MAPK10: variants seen among roughly 807,000 people sequenced by gnomAD.
The protein encoded by MAPK10 is mitogen-activated protein kinase 10.
A neutral mutation model predicts 59.3 loss-of-function variants in MAPK10; 25 were observed. The ratio of observed to expected loss-of-function variants is 0.42; its 90% CI spans 0.31 to 0.59. The LOEUF is 0.59. MAPK10 is among the 20% of genes least tolerant of loss of function. The pLI, the probability that MAPK10 is intolerant of heterozygous loss-of-function variation, is 0.15. For synonymous variants in MAPK10, 190 were observed against 200.5 expected (o/e 0.95, Z 0.44); for missense variants, 351 against 568.9 (o/e 0.62, Z 3.90).
At chr4:86,102,675 C>T (rs564378551) in intron 6 of MAPK10, among the ~76,000 whole-genome samples, 1 of 152,236 alleles carries the variant, frequency 6.6e-6, no homozygotes, top group African/African-American at 2.4e-5. Context: ...TGCATGCCAC[C>T]ACACCTGGAT....
chr4:86,434,551 C>T (rs745342742), intron 1 of MAPK10, among the ~76,000 whole-genome samples: 9 of 152,120 alleles, frequency 5.9e-5, no homozygotes, highest in African/African-American at 1.7e-4. Context: ...ACCTGCTCAA[C>T]GTAAGTAACC....
At chr4:86,126,811 C>A (rs888193438) in intron 4 of MAPK10, among the ~76,000 whole-genome samples, 2 of 151,902 alleles carry the variant, frequency 1.3e-5, no homozygotes, top group Non-Finnish European at 2.9e-5. Context: ...TGTTCAAATA[C>A]CCATTTGTTC....
chr4:86,410,392 T>G (rs925099650), intron 1 of MAPK10, among the ~76,000 whole-genome samples: 1 of 152,198 alleles, frequency 6.6e-6, no homozygotes, highest in African/African-American at 2.4e-5. Flanking sequence ...GCCAGACTTT[T>G]GTATCAGGAT....
intron 1 of MAPK10, among the ~76,000 whole-genome samples, chr4:86,408,338 G>A (rs1258345131): frequency 6.6e-6 from 1 of 152,034 alleles, no homozygotes; most frequent in Non-Finnish European, 1.5e-5. Context: ...CTTTGCTATT[G>A]TGAATAGTGC....
chr4:86,294,714 G>T (rs578051730), intron 2 of MAPK10, among the ~76,000 whole-genome samples: 21 of 152,250 alleles, frequency 1.4e-4, no homozygotes, highest in Admixed American at 2.6e-4. Flanking sequence ...GTGGTCTCAT[G>T]GCTTCAGCAA....
At chr4:86,414,814 C>T (rs1319307725) in intron 1 of MAPK10, among the ~76,000 whole-genome samples, 1 of 152,068 alleles carries the variant, frequency 6.6e-6, no homozygotes, top group African/African-American at 2.4e-5. Flanking sequence ...ATCATCCTAA[C>T]AACCATTCTA....
At chr4:86,425,164 T>C (rs989325074) in intron 1 of MAPK10, among the ~76,000 whole-genome samples, 3 of 152,134 alleles carry the variant, frequency 2.0e-5, no homozygotes, top group Admixed American at 2.0e-4. Context: ...AGAGAAGGCA[T>C]TGGAAGAATA....
intron 2 of MAPK10, chr4:86,268,681 A>C (rs1284331149): frequency 1.3e-5 from 2 of 152,012 alleles, no homozygotes; most frequent in African/African-American, 4.8e-5. Flanking sequence ...CTTTCCCCAG[A>C]TTTTCATATG....
At chr4:86,256,996 C>T (rs563680133) in intron 2 of MAPK10, among the ~76,000 whole-genome samples, 2 of 152,006 alleles carry the variant, frequency 1.3e-5, no homozygotes, top group South Asian at 2.1e-4. Flanking sequence ...ATGATCCGCC[C>T]GCCTCGGCCT....
At chr4:86,575,690 A>G (rs1443432886) in intron 1 of MAPK10, among the ~76,000 whole-genome samples, 1 of 151,594 alleles carries the variant, frequency 6.6e-6, no homozygotes, top group Non-Finnish European at 1.5e-5. Flanking sequence ...GTTGATATGC[A>G]GAGTTACATT....
intron 1 of MAPK10, among the ~76,000 whole-genome samples, chr4:86,450,682 G>C (rs1347676338): frequency 1.3e-5 from 2 of 152,098 alleles, no homozygotes; most frequent in African/African-American, 4.8e-5. Context: ...GGCAAACCCA[G>C]TTTTCTAGAA....
intron 1 of MAPK10, among the ~76,000 whole-genome samples, chr4:86,470,776 C>T (rs571188450): frequency 6.6e-6 from 1 of 152,060 alleles, no homozygotes; most frequent in Non-Finnish European, 1.5e-5. Context: ...CAAGACTTTC[C>T]TATATTTCTT....
At chr4:86,470,636 CT>C (rs957728592) in intron 1 of MAPK10, among the ~76,000 whole-genome samples, 1 of 151,548 alleles carries the variant, frequency 6.6e-6, no homozygotes, top group African/African-American at 2.4e-5. Flanking sequence ...TTTTTTCTTC[CT>C]TTTTGTTTTT....
At chr4:86,118,579 T>TACACACACAC (rs148000432) in intron 4 of MAPK10, among the ~76,000 whole-genome samples, 16 of 146,248 alleles carry the variant, frequency 1.1e-4, no homozygotes, top group African/African-American at 3.3e-4. Context: ...TAAATACACA[T>TACACACACAC]ACACACACAC....
At chr4:86,207,059 C>T (rs2084249965) in intron 2 of MAPK10, among the ~76,000 whole-genome samples, 3 of 151,412 alleles carry the variant, frequency 2.0e-5, no homozygotes, top group Admixed American at 1.3e-4. Flanking sequence ...AATTAGATCC[C>T]ATTTGTCAAT....
chr4:86,276,781 T>C (rs2094592263), intron 2 of MAPK10, among the ~76,000 whole-genome samples: 1 of 152,118 alleles, frequency 6.6e-6, no homozygotes, highest in Non-Finnish European at 1.5e-5. Flanking sequence ...TCTATCATTG[T>C]CTGGTTCTAT....
At chr4:86,246,240 G>A (rs912076719) in intron 2 of MAPK10, among the ~76,000 whole-genome samples, 1 of 152,168 alleles carries the variant, frequency 6.6e-6, no homozygotes, top group Non-Finnish European at 1.5e-5. Context: ...GACTATCCTG[G>A]CTAACAAGGT....
At chr4:86,338,089 T>C (rs1722623022) in intron 2 of MAPK10, among the ~76,000 whole-genome samples, 2 of 152,254 alleles carry the variant, frequency 1.3e-5, no homozygotes, top group African/African-American at 4.8e-5. Flanking sequence ...TTCACAGTAG[T>C]GTCCCCCCAC....
At chr4:86,263,112 ACTGT>A (rs568295365) in intron 2 of MAPK10, among the ~76,000 whole-genome samples, 3 of 152,130 alleles carry the variant, frequency 2.0e-5, no homozygotes, top group Non-Finnish European at 4.4e-5. Flanking sequence ...TTCAGGAGTC[ACTGT>A]CTGTCACCAT....
Sources: allele counts gnomAD v4.1 joint callset (sites outside exome capture counted in the v4.1 genomes callset), GRCh38; gene constraint gnomAD v4.1.1; transcripts MANE v1.5; gene names NCBI Gene and HGNC (gene_info 2026-07-23, HGNC 2026-07-21).